The following ALPL variants were observed in gnomAD, a reference collection of about 807,000 sequenced individuals.
ALPL encodes alkaline phosphatase, tissue-nonspecific isozyme.
Under a neutral mutation model 51.3 loss-of-function variants are expected in ALPL, and 42 were observed. The observed-to-expected ratio is 0.82, with a 90% CI of 0.64 to 1.06. ALPL has a LOEUF of 1.06. ALPL is among the 50% of genes least tolerant of loss of function. The pLI is 0.00. For synonymous variants in ALPL, 279 were observed against 296.4 expected (o/e 0.94, Z 0.60); for missense variants, 589 against 709.4 (o/e 0.83, Z 1.93).
intron 1 of ALPL, among the ~76,000 whole-genome samples, chr1:21,548,972 A>G (rs1644286803): frequency 6.6e-6 from 1 of 152,080 alleles, no homozygotes; most frequent in African/African-American, 2.4e-5. Context: ...ATCTAGTTTT[A>G]ATACCACTGC....
intron 1 of ALPL, among the ~76,000 whole-genome samples, chr1:21,545,921 T>C (rs549207233): frequency 1.3e-5 from 2 of 152,214 alleles, no homozygotes; most frequent in African/African-American, 4.8e-5. Flanking sequence ...GTTCAAGCGA[T>C]TATCCTGCCT....
intron 1 of ALPL, among the ~76,000 whole-genome samples, chr1:21,539,271 A>T (rs569316431): frequency 1.7e-4 from 26 of 152,084 alleles, no homozygotes; most frequent in Non-Finnish European, 3.4e-4. Flanking sequence ...TAAAATGGGG[A>T]TAATAATAGT....
chr1:21,551,719 GTTTTTTTTTTT>G (rs397861981), intron 1 of ALPL, among the ~76,000 whole-genome samples: 25 of 61,440 alleles, frequency 4.1e-4, no homozygotes, highest in Admixed American at 1.7e-3. Context: ...AGCTTGCGTG[GTTTTTTTTTTT>G]TTTTTTTTTT....
In ALPL at chr1:21,578,242, A is replaced by G. The variant is rs747561664; in HGVS notation, c.*594A>G. 1.3e-5 allele frequency: 2 copies of G among 154,846 alleles called. No homozygotes were observed. Among genetic ancestry groups the G allele is most frequent in the East Asian group, 1.9e-4 (1 of 5,168 alleles). 9.6% of individuals were successfully genotyped at this position (154,846 alleles called of 1,614,324 possible). On this transcript the variant is annotated 3_prime_UTR_variant, in exon 12 of 12. Transcript: ENST00000374840. The surrounding 1 kb of genome is among the most constrained non-coding windows in gnomAD (Gnocchi z 4.2). ...ACCCAGCGTGGCCCAGGCCGGGAAG[A>G]GCCACCTGGCAGGGCTCACACTCCT...
At chr1:21,553,041 G>A (rs1205728568) in intron 1 of ALPL, among the ~76,000 whole-genome samples, 2 of 147,080 alleles carry the variant, frequency 1.4e-5, no homozygotes, top group Admixed American at 1.4e-4. Context: ...ATTAATACAT[G>A]CTTGTTTTAG....
rs1215485293 is a variant in ALPL, at chr1:21,560,762, T to C, written c.181+17T>C. The C allele has an allele frequency of 2.5e-6, 4 of 1,613,804 alleles. No homozygotes were observed. The highest frequency in any genetic ancestry group is 4.5e-5 in the East Asian group (2 of 44,874). On this transcript the variant is annotated intron_variant, in intron 3 of 11. Coordinates refer to ENST00000374840, the MANE Select transcript of ALPL (RefSeq NM_000478.6). ...TGGGAGATGGTGAGGCCCAGGGGCCTGTGGGAGGGGTGGAACAGGACACCT... is the reference window on the plus strand; with the variant it reads ...TGGGAGATGGTGAGGCCCAGGGGCCCGTGGGAGGGGTGGAACAGGACACCT...
intron 1 of ALPL, among the ~76,000 whole-genome samples, chr1:21,532,269 G>A (rs1328034059): frequency 1.3e-5 from 2 of 152,050 alleles, no homozygotes; most frequent in African/African-American, 4.8e-5. Flanking sequence ...TCAGCTTGCT[G>A]CAACCTCTGC....
chr1:21,521,508 G>A (rs550925442), intron 1 of ALPL, among the ~76,000 whole-genome samples: 177 of 152,246 alleles, frequency 1.2e-3, no homozygotes, highest in African/African-American at 4.0e-3. Context: ...TGCCCCACTC[G>A]GCAAGGGTTT....
chr1:21,569,338 G>C (rs540106455), intron 7 of ALPL, among the ~76,000 whole-genome samples: 56 of 152,296 alleles, frequency 3.7e-4, no homozygotes, highest in African/African-American at 1.2e-3. Context: ...GACGGGGAGA[G>C]AGCGTCTACA....
Position 21,577,448 on chromosome 1 carries a change from G to T in ALPL, c.1375G>T (p.Val459Leu), listed in dbSNP as rs1054159992. 1.3e-5 allele frequency: 21 copies of T among 1,611,894 alleles called. No homozygotes were observed. Among genetic ancestry groups the T allele is most frequent in the Non-Finnish European group, 1.8e-5 (21 of 1,179,940 alleles). The change falls in exon 12 of 12, where the codon GTG (valine) becomes TTG (leucine). Residue 459 changes from valine to leucine, a missense_variant. Val to Leu is a conservative substitution (Grantham distance 32). Transcript: ENST00000374840. ...LRHETHGGED[V>L]AVFSKGPMAH... ...CCACGAGACCCACGGCGGGGAGGAC[G>T]TGGCCGTCTTCTCCAAGGGCCCCAT...
At chr1:21,553,472 C>T (rs1387979291) in intron 1 of ALPL, among the ~76,000 whole-genome samples, 1 of 152,178 alleles carries the variant, frequency 6.6e-6, no homozygotes, top group African/African-American at 2.4e-5. Flanking sequence ...TCCTGGGACA[C>T]AGGTAATTAA....
chr1:21,572,769 A>G (rs1297929838), intron 8 of ALPL, among the ~76,000 whole-genome samples: 1 of 152,236 alleles, frequency 6.6e-6, no homozygotes, highest in Non-Finnish European at 1.5e-5. Context: ...ACTTTGTGCC[A>G]TGGGCAAGGA....
At chr1:21,519,346 G>C (rs1376055207) in intron 1 of ALPL, among the ~76,000 whole-genome samples, 2 of 152,214 alleles carry the variant, frequency 1.3e-5, no homozygotes, top group African/African-American at 4.8e-5. Flanking sequence ...TGCGGGGCCC[G>C]CGGCCTCTGC....
At chr1:21,560,973 G>A in intron 3 of ALPL, 124 bp from the exon 4 acceptor site, 3 of 1,029,798 alleles carry the variant, frequency 2.9e-6, no homozygotes, top group Non-Finnish European at 4.4e-6. Context: ...CATTTACAGA[G>A]CCATGCCCAG....
At chr1:21,552,366 C>A (rs901738776) in intron 1 of ALPL, among the ~76,000 whole-genome samples, 6 of 150,390 alleles carry the variant, frequency 4.0e-5, no homozygotes, top group African/African-American at 1.5e-4. Flanking sequence ...GTAATCCCAG[C>A]CACTCGGGAG....
chr1:21,538,707 T>G (rs1425790729), intron 1 of ALPL, among the ~76,000 whole-genome samples: 1 of 151,222 alleles, frequency 6.6e-6, no homozygotes, highest in Non-Finnish European at 1.5e-5. Flanking sequence ...GGATTATGGG[T>G]GGGGGTGGCC....
chr1:21,563,601 G>A (rs922442089), intron 5 of ALPL, among the ~76,000 whole-genome samples: 1 of 152,182 alleles, frequency 6.6e-6, no homozygotes, highest in Non-Finnish European at 1.5e-5. Flanking sequence ...GGGCTAGCCT[G>A]TGGGGTGCAG....
chr1:21,537,340 T>C (rs1184082477), intron 1 of ALPL, among the ~76,000 whole-genome samples: 3 of 152,178 alleles, frequency 2.0e-5, no homozygotes, highest in Non-Finnish European at 4.4e-5. Context: ...TCAGCCTCTC[T>C]GTGCAAAATT....
intron 2 of ALPL, among the ~76,000 whole-genome samples, chr1:21,555,298 A>G (rs900041467): frequency 1.6e-4 from 24 of 152,342 alleles, no homozygotes; most frequent in African/African-American, 4.8e-4. Flanking sequence ...CAGTTAAGGT[A>G]GGAACAGACC....
Sources: gnomAD v4.1 joint callset for allele counts (sites outside exome capture counted in the v4.1 genomes callset) on GRCh38, gnomAD v4.1.1 for gene constraint, Gnocchi (gnomAD v3.1) non-coding constraint, MANE v1.5 for transcripts, NCBI Gene and HGNC (gene_info 2026-07-23, HGNC 2026-07-21) for gene names.